CLNK: variants seen among roughly 807,000 people sequenced by gnomAD.
CLNK encodes cytokine-dependent hematopoietic cell linker.
CLNK carries 74 observed loss-of-function variants against 68.6 expected under a neutral mutation model. That is an observed-to-expected ratio of 1.08 (90% CI 0.89 to 1.31). CLNK has a LOEUF of 1.31. Among genes scored for constraint, CLNK ranks in the 50% most tolerant of loss-of-function variants. CLNK has a pLI of 0.00. For synonymous variants in CLNK, 198 were observed against 172.2 expected, an observed-to-expected ratio of 1.15 and a Z score of -1.17; for missense variants, 553 against 515.3, an observed-to-expected ratio of 1.07 and a Z score of -0.71.
At chr4:10,618,096 C>T (rs1722302308) in intron 2 of CLNK, among the ~76,000 whole-genome samples, 1 of 152,122 alleles carries the variant, frequency 6.6e-6, no homozygotes, top group African/African-American at 2.4e-5. Flanking sequence ...GTAGTATTAT[C>T]CATAAGAGCC....
At chr4:10,530,705 G>A (rs529408486) in intron 12 of CLNK, among the ~76,000 whole-genome samples, 1 of 152,268 alleles carries the variant, frequency 6.6e-6, no homozygotes, top group East Asian at 1.9e-4. Context: ...ATGATTTGCG[G>A]TCATCGTCAT....
chr4:10,577,061 T>C (rs1720594789), intron 4 of CLNK, among the ~76,000 whole-genome samples: 1 of 152,168 alleles, frequency 6.6e-6, no homozygotes, highest in Non-Finnish European at 1.5e-5. Flanking sequence ...GTGGGTCCCA[T>C]GGTGAGAATA....
At chr4:10,564,862 T>G in intron 6 of CLNK, 85 bp from the exon 7 acceptor site, 1 of 804,390 alleles carries the variant, frequency 1.2e-6, no homozygotes, top group Non-Finnish European at 2.1e-6. Context: ...ATCTACAAAC[T>G]CATTGGATCA....
intron 8 of CLNK, among the ~76,000 whole-genome samples, chr4:10,553,931 A>G (rs909944435): frequency 6.6e-6 from 1 of 152,200 alleles, no homozygotes; most frequent in Non-Finnish European, 1.5e-5. Flanking sequence ...GGGCTGCTTA[A>G]AGGTAGGGTG....
chr4:10,591,219 A>G (rs1247483098), intron 3 of CLNK, among the ~76,000 whole-genome samples: 1 of 152,194 alleles, frequency 6.6e-6, no homozygotes, highest in Non-Finnish European at 1.5e-5. Context: ...GTAGGAACAC[A>G]CAGCATTGAT....
At chr4:10,538,570 G>A (rs760382188) in intron 11 of CLNK, among the ~76,000 whole-genome samples, 4 of 152,194 alleles carry the variant, frequency 2.6e-5, no homozygotes, top group Non-Finnish European at 5.9e-5. Context: ...TTCATGGGTT[G>A]GATGGTCTGT....
chr4:10,545,427 T>C (rs1207381619), intron 8 of CLNK, among the ~76,000 whole-genome samples: 1 of 152,200 alleles, frequency 6.6e-6, no homozygotes, highest in Non-Finnish European at 1.5e-5. Context: ...TCTGGCATTC[T>C]GTGCACACTG....
At chr4:10,642,483 T>C (rs1282057194) in intron 2 of CLNK, among the ~76,000 whole-genome samples, 1 of 152,180 alleles carries the variant, frequency 6.6e-6, no homozygotes, top group African/African-American at 2.4e-5. Context: ...AGAGGAGGTC[T>C]TTCTAGGCAG....
At chr4:10,539,098 CAGTCTGAGAT>C (rs1204952555) in intron 11 of CLNK, among the ~76,000 whole-genome samples, 6 of 152,148 alleles carry the variant, frequency 3.9e-5, no homozygotes, top group African/African-American at 1.4e-4. Context: ...ATAGCTTACC[CAGTCTGAGAT>C]ATTTCTTTAT....
intron 18 of CLNK, among the ~76,000 whole-genome samples, chr4:10,492,515 A>C (rs1716623468): frequency 6.6e-6 from 1 of 152,160 alleles, no homozygotes; most frequent in African/African-American, 2.4e-5. Flanking sequence ...CAAACAAATA[A>C]TTTCATTTAG....
At chr4:10,727,332 A>C in the CLNK span, among the ~76,000 whole-genome samples, 7 of 152,178 alleles carry the variant, frequency 4.6e-5, no homozygotes, top group East Asian at 5.8e-4. Context: ...AGTCGTGGAA[A>C]ATTCCGTGGT....
At chr4:10,513,650 T>G (rs1309150963) in intron 15 of CLNK, 53 bp from the exon 16 acceptor site, 21 of 1,519,430 alleles carry the variant, frequency 1.4e-5, no homozygotes, top group Non-Finnish European at 2.6e-6. Flanking sequence ...GTGCAGTCTG[T>G]CCCCCACCTC....
chr4:10,513,442 T>C (rs1717687835), intron 16 of CLNK, 22 bp downstream of exon 16: 2 of 1,604,520 alleles, frequency 1.2e-6, no homozygotes, highest in Admixed American at 3.4e-5. Flanking sequence ...TAGAAGGACT[T>C]GGCAGAGAAG....
At chr4:10,626,759 C>T (rs1029923090) in intron 2 of CLNK, among the ~76,000 whole-genome samples, 4 of 152,284 alleles carry the variant, frequency 2.6e-5, no homozygotes, top group South Asian at 4.1e-4. Flanking sequence ...ACTGTCATAA[C>T]GTGTTTTAAC....
chr4:10,515,961 A>G (rs1717816839), intron 15 of CLNK, among the ~76,000 whole-genome samples: 1 of 152,204 alleles, frequency 6.6e-6, no homozygotes, highest in African/African-American at 2.4e-5. Flanking sequence ...CCTAAGCTTT[A>G]AGATGCTACC....
the CLNK span, among the ~76,000 whole-genome samples, chr4:10,726,971 A>G: frequency 1.3e-5 from 2 of 152,198 alleles, no homozygotes; most frequent in African/African-American, 4.8e-5. Context: ...ACGGGCCAAA[A>G]TGCAATAGGT....
Position 10,489,086 on chromosome 4 carries a change from CT to C in CLNK, c.*1380del, listed in dbSNP as rs1159037985. 3 of 150,648 alleles carry C rather than the reference CT, an allele frequency of 2.0e-5. No individual in the cohort carries two copies. The East Asian group carries it at 5.9e-4, about 29-fold the overall frequency. The allele number at this position is 150,648 out of a possible 1,614,324, so 9.3% of individuals were successfully genotyped here. A position where few individuals can be genotyped will look rare whatever the true frequency, so the allele number is the denominator to read the frequency against. On this transcript the variant is annotated 3_prime_UTR_variant, in exon 19 of 19. Transcript: ENST00000226951. Reference sequence around the variant, plus strand: ...CTCTCTCTCTTTTTTTTTAAATTAGCTTTTCAACTTGATTGTAAAATGTCAC... The same window carrying C: ...CTCTCTCTCTTTTTTTTTAAATTAGCTTTCAACTTGATTGTAAAATGTCAC...
At chr4:10,664,267 T>G (rs1232377092) in intron 2 of CLNK, among the ~76,000 whole-genome samples, 1 of 152,176 alleles carries the variant, frequency 6.6e-6, no homozygotes, top group Non-Finnish European at 1.5e-5. Flanking sequence ...TATTCTGGTT[T>G]CTTTGCTTTG....
chr4:10,656,863 A>G (rs1724010083), intron 2 of CLNK, among the ~76,000 whole-genome samples: 1 of 152,164 alleles, frequency 6.6e-6, no homozygotes, highest in Non-Finnish European at 1.5e-5. Context: ...TAAAAATATT[A>G]TATTTCCATA....
Sources: allele counts gnomAD v4.1 joint callset (sites outside exome capture counted in the v4.1 genomes callset), GRCh38; gene constraint gnomAD v4.1.1; transcripts MANE v1.5; gene names NCBI Gene and HGNC (gene_info 2026-07-23, HGNC 2026-07-21).